The following TSHZ2 variants were observed in gnomAD, a reference collection of about 807,000 sequenced individuals.
TSHZ2 encodes teashirt zinc finger homeobox 2.
Under a neutral mutation model 74.4 loss-of-function variants are expected in TSHZ2, and 21 were observed. The observed-to-expected ratio is 0.28, with a 90% confidence interval of 0.20 to 0.41. The LOEUF (loss-of-function observed/expected upper bound fraction) is 0.41, where lower values mean the gene tolerates loss of function less well. TSHZ2 is among the 10% of genes least tolerant of loss of function. TSHZ2 has a pLI of 1.00. For missense variants in TSHZ2, 1,244 were observed against 1,293.5 expected (o/e 0.96, Z 0.59); for synonymous variants, 540 against 515.3 (o/e 1.05, Z -0.65).
intron 1 of TSHZ2, among the ~76,000 whole-genome samples, chr20:53,000,735 C>A (rs537780033): frequency 6.6e-6 from 1 of 152,190 alleles, no homozygotes; most frequent in African/African-American, 2.4e-5. Context: ...GATGAGATGA[C>A]GGAAGCTTTT....
At chr20:53,329,808 AAAAG>A (rs1430991713) in intron 2 of TSHZ2, among the ~76,000 whole-genome samples, 5 of 152,148 alleles carry the variant, frequency 3.3e-5, no homozygotes, top group Admixed American at 1.3e-4. Context: ...CCACTGGAGG[AAAAG>A]AAAGAGAAAG....
At chr20:53,142,483 A>G (rs1211351664) in intron 1 of TSHZ2, among the ~76,000 whole-genome samples, 1 of 152,228 alleles carries the variant, frequency 6.6e-6, no homozygotes, top group African/African-American at 2.4e-5. Context: ...TTGATTGGTT[A>G]GGTCTGAGTC....
chr20:53,199,782 G>A (rs1194673530), intron 1 of TSHZ2, among the ~76,000 whole-genome samples: 4 of 152,212 alleles, frequency 2.6e-5, no homozygotes, highest in African/African-American at 9.6e-5. Flanking sequence ...TGTGTGTAGT[G>A]TATATCGGGG....
At chr20:53,378,021 C>T (rs557527114) in intron 2 of TSHZ2, among the ~76,000 whole-genome samples, 224 of 152,168 alleles carry the variant, frequency 1.5e-3, no homozygotes, top group Middle Eastern at 3.4e-3. Context: ...AGCTTTTACT[C>T]GGTGGTTCTG....
At chr20:53,183,040 A>G (rs1040954325) in intron 1 of TSHZ2, among the ~76,000 whole-genome samples, 1 of 152,188 alleles carries the variant, frequency 6.6e-6, no homozygotes, top group Admixed American at 6.5e-5. Flanking sequence ...AAAGACATGC[A>G]AGCAATGAGG....
intron 1 of TSHZ2, among the ~76,000 whole-genome samples, chr20:53,098,218 TA>T (rs555740317): frequency 5.7e-4 from 87 of 152,206 alleles, no homozygotes; most frequent in Non-Finnish European, 1.1e-3. Flanking sequence ...TGGTACTCAA[TA>T]AATACTGGTT....
intron 2 of TSHZ2, among the ~76,000 whole-genome samples, chr20:53,428,071 T>A (rs1983719060): frequency 6.6e-6 from 1 of 152,184 alleles, no homozygotes; most frequent in Admixed American, 6.5e-5. Flanking sequence ...TCTCTATTTT[T>A]AAGTGACTCA....
rs140982199 is a variant in TSHZ2 at position 53,095,995 on chromosome 20, C to T, written c.40+122662C>T. On this transcript the variant is annotated intron_variant, in intron 1 of 2. Transcript: ENST00000371497. ...CATTTTACTCTCTTTCTCCAATGAA[C>T]CTGGGGAAGGTTGTCAGAACCCCAA... 2.9e-3 allele frequency among the ~76,000 whole-genome samples: 449 copies of T among 152,280 alleles called. 3 individuals carry two copies. The highest frequency in any genetic ancestry group is 6.8e-3 in the Middle Eastern group (2 of 294).
intron 1 of TSHZ2, among the ~76,000 whole-genome samples, chr20:53,193,284 C>A (rs1398357385): frequency 6.6e-6 from 1 of 152,002 alleles, no homozygotes; most frequent in African/African-American, 2.4e-5. Flanking sequence ...TGTTTCCAGT[C>A]TTCTGTTTCC....
chr20:53,126,877 G>A (rs372647790), intron 1 of TSHZ2, among the ~76,000 whole-genome samples: 151 of 152,290 alleles, frequency 9.9e-4, no homozygotes, highest in African/African-American at 3.5e-3. Flanking sequence ...CCATCAGGAA[G>A]GGGAAGTGAA....
intron 1 of TSHZ2, among the ~76,000 whole-genome samples, chr20:52,984,987 T>A (rs1981700310): frequency 6.6e-6 from 1 of 152,228 alleles, no homozygotes; most frequent in Admixed American, 6.5e-5. Context: ...AAATTGTCAG[T>A]CTATCGTTCT....
At chr20:53,186,850 G>T (rs932151845) in intron 1 of TSHZ2, among the ~76,000 whole-genome samples, 2 of 152,046 alleles carry the variant, frequency 1.3e-5, no homozygotes, top group East Asian at 3.9e-4. Context: ...ATCTAAACAT[G>T]AAAGCTTGTC....
At position 53,340,177 on chromosome 20, in the gene TSHZ2, C is replaced by CTTTTTTTTTTTTTTTT. The variant is rs74177489; in HGVS notation, c.*8+83612_*8+83613insTTTTTTTTTTTTTTTT. Among the ~76,000 whole-genome samples the CTTTTTTTTTTTTTTTT allele has an allele frequency of 1.6e-4, 15 of 94,080 alleles. 2 individuals carry two copies. The highest frequency in any genetic ancestry group is 3.6e-4 in the African/African-American group (8 of 22,302). 61.7% of individuals were successfully genotyped at this position (94,080 alleles called of 152,430 possible). On this transcript the variant is annotated intron_variant, in intron 2 of 2. Transcript: ENST00000371497. The stretch of plus-strand genomic sequence containing the variant: ...GGATAAAACAAGGTGACTTTTCTTT[C>CTTTTTTTTTTTTTTTT]TTTTTTCTTTTTTTTTTTTTTTTGA...
chr20:53,332,627 G>A (rs1341639066), intron 2 of TSHZ2, among the ~76,000 whole-genome samples: 1 of 152,162 alleles, frequency 6.6e-6, no homozygotes, highest in African/African-American at 2.4e-5. Flanking sequence ...AAGCCAAATG[G>A]AATGACGAGG....
chr20:53,169,966 ATATG>A lies in TSHZ2; in HGVS notation c.41-83532_41-83529del, dbSNP rs566634185. 2.2e-3 allele frequency among the ~76,000 whole-genome samples: 337 copies of A among 152,322 alleles called. 1 individual carries two copies. The highest frequency in any genetic ancestry group is 7.7e-3 in the African/African-American group (322 of 41,560). ...TGTATAAGTGTGTATATTTACATAT[ATATG>A]CCCATTTTTTCTGATCTGCATACCA... is the stretch of plus-strand genomic sequence containing the variant. On this transcript the variant is annotated intron_variant, in intron 1 of 2. Coordinates refer to ENST00000371497, the MANE Select transcript of TSHZ2 (RefSeq NM_173485.6).
intron 1 of TSHZ2, among the ~76,000 whole-genome samples, chr20:53,112,536 T>G (rs1263702555): frequency 1.3e-5 from 2 of 152,194 alleles, no homozygotes; most frequent in East Asian, 3.9e-4. Flanking sequence ...GTTGGTTTTT[T>G]GTTTGTTTTT....
intron 1 of TSHZ2, among the ~76,000 whole-genome samples, chr20:53,096,500 G>A (rs1986052134): frequency 2.0e-5 from 3 of 152,114 alleles, no homozygotes; most frequent in Non-Finnish European, 4.4e-5. Context: ...CAACTATTTA[G>A]CAAAGGGGCA....
rs1447358622 is a variant in TSHZ2, at chr20:53,482,108, T to TTAAAA, written c.*9-5036_*9-5035insTAAAA. Among the ~76,000 whole-genome samples the TTAAAA allele has an allele frequency of 2.2e-4, 16 of 74,346 alleles. No homozygotes were observed. The East Asian group carries it at 5.5e-3, about 26-fold the overall frequency. 48.8% of individuals were successfully genotyped at this position (74,346 alleles called of 152,430 possible). A position where few individuals can be genotyped will look rare whatever the true frequency, so the allele number is the denominator to read the frequency against. On this transcript the variant is annotated intron_variant, in intron 2 of 2. Transcript: ENST00000371497. ...GCAACAAGAGCGAAACTCCATCTCA[T>TTAAAA]AAAAAAAAAAAAAAAAAAAAAAAAA...
Position 53,267,272 on chromosome 20 carries a change from C to T in TSHZ2, c.*8+10701C>T, listed in dbSNP as rs574471395. Among the ~76,000 whole-genome samples, 26 of 152,268 alleles carry T rather than the reference C, an allele frequency of 1.7e-4. No homozygotes were observed. The South Asian group carries it at 4.6e-3, about 27-fold the overall frequency. On this transcript the variant is annotated intron_variant, in intron 2 of 2. Transcript: ENST00000371497. ...CAAGAAGTGTGTCCCAGGCAGAGGG[C>T]AGAGCCTGTGTCGAGGCTCCGAGGC...
Sources: gnomAD v4.1 joint callset for allele counts (sites outside exome capture counted in the v4.1 genomes callset) on GRCh38, gnomAD v4.1.1 for gene constraint, MANE v1.5 for transcripts, NCBI Gene and HGNC (gene_info 2026-07-23, HGNC 2026-07-21) for gene names.